ASCL1: variants seen among roughly 807,000 people sequenced by gnomAD.
ASCL1 encodes the protein achaete-scute family bHLH transcription factor 1, also known as achaete-scute homolog 1.
Under a neutral mutation model 16.1 loss-of-function variants are expected in ASCL1, and 2 were observed. That is an observed-to-expected ratio of 0.12 (90% CI 0.05 to 0.39). The LOEUF is 0.39. Ranked by LOEUF, ASCL1 falls within the 10% of genes least tolerant of loss-of-function variation. The probability of loss-of-function intolerance (pLI) is 0.99; values close to 1 mark genes in which losing one functional copy is unlikely to be tolerated. For synonymous variants in ASCL1, 165 were observed against 155.7 expected (o/e 1.06, Z -0.45); for missense variants, 276 against 336.9 (o/e 0.82, Z 1.41).
At chr12:102,959,086 A>G in intron 1 of ASCL1, 84 bp downstream of exon 1, 2 of 1,356,070 alleles carry the variant, frequency 1.5e-6, no homozygotes, top group East Asian at 2.5e-5. Context: ...GATGTCTCCA[A>G]GGAGATAAGG....
Position 102,958,469 on chromosome 12 carries a change from A to T in ASCL1, c.225A>T (p.Ser75=). The change falls in exon 1 of 2, where the codon TCA becomes TCT. Residue 75 remains serine, a synonymous_variant. Transcript: ENST00000266744. ...GACCGGCGGCCGACGGCCAGCCCTC[A>T]GGGGGCGGTCACAAGTCAGCGCCCA... ...QLRPAADGQP[S]GGGHKSAPKQ... 6.4e-7 allele frequency: 1 copy of T among 1,573,548 alleles called. No individual in the cohort carries two copies. The highest frequency in any genetic ancestry group is 8.6e-7 in the Non-Finnish European group (1 of 1,160,870).
Position 102,958,788 on chromosome 12 carries a change from G to A in ASCL1, c.544G>A (p.Ala182Thr), listed in dbSNP as rs779545788. The change falls in exon 1 of 2, where the codon GCC (alanine) becomes ACC (threonine). Residue 182 changes from alanine (A) to threonine (T), a missense_variant. Physicochemically the swap from Ala to Thr is moderately conservative, Grantham distance 58. Coordinates refer to ENST00000266744, the MANE Select transcript of ASCL1 (RefSeq NM_004316.4). ...GCTGGACGAGCATGACGCGGTGAGC[G>A]CCGCCTTCCAGGCAGGCGTCCTGTC... ...QLLDEHDAVS[A>T]AFQAGVLSPT... is the part of the protein sequence containing the mutation. The A allele has an allele frequency of 6.2e-7, 1 of 1,614,048 alleles. No homozygotes were observed. The highest frequency in any genetic ancestry group is 1.3e-5 in the African/African-American group (1 of 75,076).
Position 102,958,563 on chromosome 12 carries a change from G to A in ASCL1, c.319G>A (p.Gly107Ser). The A allele has an allele frequency of 6.2e-7, 1 of 1,610,518 alleles. No individual in the cohort carries two copies. The highest frequency in any genetic ancestry group is 8.5e-7 in the Non-Finnish European group (1 of 1,178,602). ...MRCKRRLNFS[G>S]FGYSLPQQQP... ...CTGCAAACGCCGGCTCAACTTCAGC[G>A]GCTTTGGCTACAGCCTGCCGCAGCA... The change falls in exon 1 of 2, where the codon GGC (glycine) becomes AGC (serine). Residue 107 changes from glycine (G) to serine (S), a missense_variant. Physicochemically the swap from Gly to Ser is moderately conservative, Grantham distance 56. Coordinates refer to ENST00000266744, the MANE Select transcript of ASCL1 (RefSeq NM_004316.4).
Position 102,958,385 on chromosome 12 carries a change from G to C in ASCL1, c.141G>C (p.Ala47=). Residue 47 remains alanine (A), a synonymous_variant, in exon 1 of 2, where the codon GCG becomes GCC. Transcript: ENST00000266744. ...AAAAAAAAAA[A]QSAQQQQQQQ... is the part of the protein sequence containing the mutation. The stretch of plus-strand genomic sequence containing the variant: ...CGGCCGCAGCCGCCGCAGCGGCAGC[G>C]CAGAGCGCGCAGCAGCAGCAGCAGC... 1 of 1,510,992 alleles carries C rather than the reference G, an allele frequency of 6.6e-7. No homozygotes were observed. Among genetic ancestry groups the C allele is most frequent in the Non-Finnish European group, 8.8e-7 (1 of 1,133,752 alleles). 93.6% of individuals were successfully genotyped at this position (1,510,992 alleles called of 1,614,324 possible). A position where few individuals can be genotyped will look rare whatever the true frequency, so the allele number is the denominator to read the frequency against.
intron 1 of ASCL1, among the ~76,000 whole-genome samples, 153 bp from the exon 2 acceptor site, chr12:102,959,209 A>G (rs1203082861): frequency 1.3e-5 from 2 of 152,212 alleles, no homozygotes; most frequent in Non-Finnish European, 1.5e-5. Flanking sequence ...AGTGAAGGGT[A>G]GTAGTGAGGT....
rs751691562 is a variant in ASCL1, at chr12:102,958,497, C to G, written c.253C>G (p.Gln85Glu). Residue 85 changes from glutamine to glutamate, a missense_variant, in exon 1 of 2, where the codon CAA becomes GAA. This residue lies in a region of ASCL1 where 178 missense variants were observed against 167.0 expected (regional missense o/e 1.07). Coordinates refer to ENST00000266744, the MANE Select transcript of ASCL1 (RefSeq NM_004316.4). ...SGGGHKSAPK[Q>E]VKRQRSSSPE... ...GGGCGGTCACAAGTCAGCGCCCAAG[C>G]AAGTCAAGCGACAGCGCTCGTCTTC... The G allele has an allele frequency of 5.0e-6, 8 of 1,596,072 alleles. No individual in the cohort carries two copies. Among genetic ancestry groups the G allele is most frequent in the African/African-American group, 1.3e-5 (1 of 74,514 alleles).
chr12:102,958,963 G>A lies in ASCL1; in HGVS notation c.*8G>A, dbSNP rs751856889. 3.1e-6 allele frequency: 5 copies of A among 1,613,306 alleles called. No individual in the cohort carries two copies. The highest frequency in any genetic ancestry group is 4.2e-6 in the Non-Finnish European group (5 of 1,180,058). On this transcript the variant is annotated 3_prime_UTR_variant, in exon 1 of 2. Transcript: ENST00000266744. ...TTCACCAACTGGTTCTGAGGGGCTC[G>A]GCCTGGTCAGGCCCTGGTGCGAATG...
chr12:102,958,203 C>A lies in ASCL1; in HGVS notation c.-42C>A. 7.0e-7 allele frequency: 1 copy of A among 1,421,254 alleles called. No homozygotes were observed. Among genetic ancestry groups the A allele is most frequent in the Non-Finnish European group, 9.2e-7 (1 of 1,088,734 alleles). The allele number at this position is 1,421,254 out of a possible 1,614,324, so 88.0% of individuals were successfully genotyped here. A position where few individuals can be genotyped will look rare whatever the true frequency, so the allele number is the denominator to read the frequency against. On this transcript the variant is annotated 5_prime_UTR_variant, in exon 1 of 2. Coordinates refer to ENST00000266744, the MANE Select transcript of ASCL1 (RefSeq NM_004316.4). ...CCTCGCGGGCCCCGCACCTCGCGTC[C>A]CGGATCGCTCTGATTCCGCGACTCC... is the stretch of plus-strand genomic sequence containing the variant.
Position 102,958,882 on chromosome 12 carries a change from C to G in ASCL1, c.638C>G (p.Ser213Trp). 2 of 1,614,028 alleles carry G rather than the reference C, an allele frequency of 1.2e-6. No individual in the cohort carries two copies. The highest frequency in any genetic ancestry group is 1.7e-6 in the Non-Finnish European group (2 of 1,180,026). Residue 213 changes from serine (S) to tryptophan (W), a missense_variant, in exon 1 of 2, where the codon TCG becomes TGG. By Grantham distance (177) the Ser-to-Trp change is radical. Coordinates refer to ENST00000266744, the MANE Select transcript of ASCL1 (RefSeq NM_004316.4). The stretch of plus-strand genomic sequence containing the variant: ...GCCGGCTCGCCGGTCTCATCCTACT[C>G]GTCGGACGAGGGCTCTTACGACCCG... Reference protein sequence around the residue: ...SMAGSPVSSYSSDEGSYDPLS... With the variant: ...SMAGSPVSSYWSDEGSYDPLS...
rs895827047 is a variant in ASCL1 at position 102,958,087 on chromosome 12, G to A, written c.-158G>A. 1.0e-5 allele frequency: 5 copies of A among 500,988 alleles called. No homozygotes were observed. The highest frequency in any genetic ancestry group is 1.3e-5 in the Non-Finnish European group (4 of 310,858). The allele number at this position is 500,988 out of a possible 1,614,324, so 31.0% of individuals were successfully genotyped here. On this transcript the variant is annotated 5_prime_UTR_variant, in exon 1 of 2. Transcript: ENST00000266744. ...CTCTAAGAAGTCTCCCGGGGATTTT[G>A]TATATATTTTTTAACTTCCGTCAGG...
chr12:102,958,242 C>A lies in ASCL1; in HGVS notation c.-3C>A. ...TTCCGCGACTCCTTGGCCGCCGCTG[C>A]GCATGGAAAGCTCTGCCAAGATGGA... On this transcript the variant is annotated 5_prime_UTR_variant, in exon 1 of 2. Coordinates refer to ENST00000266744, the MANE Select transcript of ASCL1 (RefSeq NM_004316.4). 1.4e-6 allele frequency: 2 copies of A among 1,468,046 alleles called. No homozygotes were observed. The highest frequency in any genetic ancestry group is 9.0e-7 in the Non-Finnish European group (1 of 1,113,952). 90.9% of individuals were successfully genotyped at this position (1,468,046 alleles called of 1,614,324 possible).
rs1318581703 is a variant in ASCL1, at chr12:102,960,049, T to A, written c.*735T>A. On this transcript the variant is annotated 3_prime_UTR_variant, in exon 2 of 2. Transcript: ENST00000266744. ...GGATATATTAAGATATTTTTGTACA[T>A]AAGAGAGAAAGAGAGAGAAAAATTT... 2 of 151,870 alleles carry A rather than the reference T, an allele frequency of 1.3e-5. No homozygotes were observed. Among genetic ancestry groups the A allele is most frequent in the Non-Finnish European group, 2.9e-5 (2 of 67,882 alleles). The allele number at this position is 151,870 out of a possible 1,614,324, so 9.4% of individuals were successfully genotyped here.
In ASCL1 at chr12:102,958,917, G is replaced by A. The variant is rs372191664; in HGVS notation, c.673G>A (p.Glu225Lys). 6 of 1,613,844 alleles carry A rather than the reference G, an allele frequency of 3.7e-6. No homozygotes were observed. The highest frequency in any genetic ancestry group is 5.1e-6 in the Non-Finnish European group (6 of 1,180,040). Residue 225 changes from glutamate (E) to lysine (K), a missense_variant, in exon 1 of 2, where the codon GAG (glutamate) becomes AAG (lysine). Glu to Lys is a moderately conservative substitution (Grantham distance 56, BLOSUM62 1). Coordinates refer to ENST00000266744, the MANE Select transcript of ASCL1 (RefSeq NM_004316.4). ...DEGSYDPLSP[E>K]EQELLDFTNW... The stretch of plus-strand genomic sequence containing the variant: ...GGGCTCTTACGACCCGCTCAGCCCC[G>A]AGGAGCAGGAGCTTCTCGACTTCAC...
chr12:102,959,189 G>T (rs1880041224), intron 1 of ASCL1, among the ~76,000 whole-genome samples, 173 bp from the exon 2 acceptor site: 1 of 152,196 alleles, frequency 6.6e-6, no homozygotes, highest in Non-Finnish European at 1.5e-5. Flanking sequence ...CCTTGCCCAG[G>T]TCTCCAAGGA....
In ASCL1 at chr12:102,958,151, C is replaced by T; in HGVS notation, c.-94C>T. On this transcript the variant is annotated 5_prime_UTR_variant, in exon 1 of 2. Coordinates refer to ENST00000266744, the MANE Select transcript of ASCL1 (RefSeq NM_004316.4). The stretch of plus-strand genomic sequence containing the variant: ...ATTTCCTTTTCTTTCCCTCTCTGTT[C>T]CTGCACCCAAGTTCTCTCTGTGTCC... The T allele has an allele frequency of 4.2e-6, 4 of 946,892 alleles. No individual in the cohort carries two copies. Among genetic ancestry groups the T allele is most frequent in the Non-Finnish European group, 5.7e-6 (4 of 698,662 alleles). The allele number at this position is 946,892 out of a possible 1,614,324, so 58.7% of individuals were successfully genotyped here.
At position 102,958,249 on chromosome 12, in the gene ASCL1, A is replaced by T; in HGVS notation, c.5A>T (p.Glu2Val). 6.8e-7 allele frequency: 1 copy of T among 1,470,426 alleles called. No individual in the cohort carries two copies. 91.1% of individuals were successfully genotyped at this position (1,470,426 alleles called of 1,614,324 possible). ...ACTCCTTGGCCGCCGCTGCGCATGG[A>T]AAGCTCTGCCAAGATGGAGAGCGGC... M[E>V]SSAKMESGGA... Residue 2 changes from glutamate to valine, a missense_variant, in exon 1 of 2, where the codon GAA (glutamate) becomes GTA (valine). This residue lies in a region of ASCL1 where 178 missense variants were observed against 167.0 expected (regional missense o/e 1.07). Transcript: ENST00000266744.
Position 102,958,433 on chromosome 12 carries a change from G to A in ASCL1, c.189G>A (p.Ala63=), listed in dbSNP as rs376318467. The A allele has an allele frequency of 5.2e-6, 8 of 1,551,216 alleles. No individual in the cohort carries two copies. The East Asian group carries it at 1.2e-4, about 24-fold the overall frequency. ...QQQQQQQQQQ[A]PQLRPAADGQ... ...AGCAGCAGCAGCAGCAGCAGCAGGC[G>A]CCGCAGCTGAGACCGGCGGCCGACG... Residue 63 remains alanine, a synonymous_variant, in exon 1 of 2, where the codon GCG becomes GCA. Transcript: ENST00000266744.
chr12:102,959,342 TTCTTTTCCTTATGTTATAGGG>T lies in ASCL1; in HGVS notation c.*48-18_*50del. On this transcript the variant is annotated splice_acceptor_variant and splice_polypyrimidine_tract_variant and 3_prime_UTR_variant and intron_variant, in exon 2 of 2. Coordinates refer to ENST00000266744, the MANE Select transcript of ASCL1 (RefSeq NM_004316.4). LOFTEE classifies it low-confidence loss of function (3UTR_SPLICE). ...TACACGTTCAAATTAACCTCTCCTGTTCTTTTCCTTATGTTATAGGGTGATCGCACAACCTGCATCTTTAGT... is the reference window on the plus strand; with the variant it reads ...TACACGTTCAAATTAACCTCTCCTGTTGATCGCACAACCTGCATCTTTAGT... The T allele has an allele frequency of 3.8e-6, 1 of 260,346 alleles. No homozygotes were observed. The highest frequency in any genetic ancestry group is 7.4e-6 in the Non-Finnish European group (1 of 134,676). 16.1% of individuals were successfully genotyped at this position (260,346 alleles called of 1,614,324 possible). A position where few individuals can be genotyped will look rare whatever the true frequency, so the allele number is the denominator to read the frequency against.
In ASCL1 at chr12:102,958,685, C is replaced by T. The variant is rs776432175; in HGVS notation, c.441C>T (p.Asn147=). Reference sequence around the variant, plus strand: ...CCACCCTTCGGGAGCACGTCCCCAACGGCGCGGCCAACAAGAAGATGAGTA... The same window carrying T: ...CCACCCTTCGGGAGCACGTCCCCAATGGCGCGGCCAACAAGAAGATGAGTA... The part of the protein sequence containing the change: ...GFATLREHVP[N]GAANKKMSKV... The change falls in exon 1 of 2, where the codon AAC becomes AAT. Residue 147 remains asparagine, a synonymous_variant. Coordinates refer to ENST00000266744, the MANE Select transcript of ASCL1 (RefSeq NM_004316.4). The T allele has an allele frequency of 2.2e-5, 35 of 1,613,954 alleles. No homozygotes were observed. The highest frequency in any genetic ancestry group is 2.2e-4 in the Admixed American group (13 of 60,016).
Sources: allele counts gnomAD v4.1 joint callset (sites outside exome capture counted in the v4.1 genomes callset), GRCh38; gene constraint gnomAD v4.1.1; regional missense constraint gnomAD v4.1.1; transcripts MANE v1.5; gene names NCBI Gene and HGNC (gene_info 2026-07-23, HGNC 2026-07-21).